Variants in CREB3L3 observed in about 807,000 individuals in gnomAD.
The protein encoded by CREB3L3 is cAMP responsive element binding protein 3 like 3.
Under a neutral mutation model 44.6 loss-of-function variants are expected in CREB3L3, and 40 were observed. The ratio of observed to expected loss-of-function variants is 0.90; its 90% confidence interval spans 0.70 to 1.17. The LOEUF is 1.17. CREB3L3 is among the 50% of genes most tolerant of loss of function. The pLI is 0.00. For missense variants in CREB3L3, 578 were observed against 595.8 expected (o/e 0.97, Z 0.31); for synonymous variants, 273 against 256.3 (o/e 1.06, Z -0.62).
In CREB3L3 at chr19:4,171,626, T is replaced by A; in HGVS notation, c.1073-30T>A. 4 of 1,612,068 alleles carry A rather than the reference T, an allele frequency of 2.5e-6. No individual in the cohort carries two copies. Among genetic ancestry groups the A allele is most frequent in the Non-Finnish European group, 2.5e-6 (3 of 1,178,730 alleles). ...AGCATAGGACCCCACCTCCACCTTGTCCCCTGTGATGCCCCCCTTCCCCAA... is the reference window on the plus strand; with the variant it reads ...AGCATAGGACCCCACCTCCACCTTGACCCCTGTGATGCCCCCCTTCCCCAA... On this transcript the variant is annotated intron_variant, in intron 9 of 9. Transcript: ENST00000078445. The surrounding 1 kb of genome is among the most constrained non-coding windows in gnomAD (Gnocchi z 4.9).
Position 4,171,445 on chromosome 19 carries a change from A to T in CREB3L3, c.1038A>T (p.Lys346Asn), listed in dbSNP as rs1275258868. The change falls in exon 9 of 10, where the codon AAA becomes AAT. Residue 346 changes from lysine (K) to asparagine (N), a missense_variant. Lys to Asn is a moderately conservative substitution (Grantham distance 94). Transcript: ENST00000078445. This position sits in a 1 kb window ranked among gnomAD's most constrained non-coding sequence, Gnocchi z 4.9. ...CCATCAGCCCTTTTGGCCCCAACAA[A>T]ACCGAGAGCCCTGGGGACTTTGCGC... is the stretch of plus-strand genomic sequence containing the variant. ...LPSISPFGPN[K>N]TESPGDFAPV... is the part of the protein sequence containing the mutation. 3 of 1,613,892 alleles carry T rather than the reference A, an allele frequency of 1.9e-6. No homozygotes were observed. The South Asian group carries it at 3.3e-5, about 18-fold the overall frequency.
At chr19:4,169,448 C>T (rs551218736) in intron 6 of CREB3L3, among the ~76,000 whole-genome samples, 2 of 152,082 alleles carry the variant, frequency 1.3e-5, no homozygotes, top group South Asian at 2.1e-4. Context: ...CCACTGCATT[C>T]CAGCCTGGGC....
In CREB3L3 at chr19:4,172,276, C is replaced by T. The variant is rs1967069362; in HGVS notation, c.*307C>T. 3.8e-6 allele frequency: 2 copies of T among 525,070 alleles called. No individual in the cohort carries two copies. The highest frequency in any genetic ancestry group is 6.8e-6 in the Non-Finnish European group (2 of 292,680). 32.5% of individuals were successfully genotyped at this position (525,070 alleles called of 1,614,324 possible). A position where few individuals can be genotyped will look rare whatever the true frequency, so the allele number is the denominator to read the frequency against. On this transcript the variant is annotated 3_prime_UTR_variant, in exon 10 of 10. Coordinates refer to ENST00000078445, the MANE Select transcript of CREB3L3 (RefSeq NM_032607.3). Reference sequence around the variant, plus strand: ...CTGGACAGACAGACACAGCCTGAAACAGACCCGGACAGACAGACACAGCCT... The same window carrying T: ...CTGGACAGACAGACACAGCCTGAAATAGACCCGGACAGACAGACACAGCCT...
Position 4,164,540 on chromosome 19 carries a change from C to G in CREB3L3, c.614C>G (p.Pro205Arg), listed in dbSNP as rs374032388. 1.9e-6 allele frequency: 3 copies of G among 1,614,012 alleles called. No homozygotes were observed. The highest frequency in any genetic ancestry group is 2.5e-6 in the Non-Finnish European group (3 of 1,180,048). Residue 205 changes from proline (P) to arginine (R), a missense_variant, in exon 5 of 10, where the codon CCT becomes CGT. By Grantham distance (103) the Pro-to-Arg change is moderately radical (BLOSUM62 -2). Transcript: ENST00000078445. Reference sequence around the variant, plus strand: ...CTGGGGGCCTCCTACCTCCTGCGACCTGGGGCTGGGCACTGTCAGGAGCTG... The same window carrying G: ...CTGGGGGCCTCCTACCTCCTGCGACGTGGGGCTGGGCACTGTCAGGAGCTG... The part of the protein sequence containing the change: ...HHLGASYLLR[P>R]GAGHCQELVL...
In CREB3L3 at chr19:4,153,683, T is replaced by TG; in HGVS notation, c.-62dup. The TG allele has an allele frequency of 1.9e-6, 3 of 1,599,446 alleles. No individual in the cohort carries two copies. Among genetic ancestry groups the TG allele is most frequent in the East Asian group, 4.5e-5 (2 of 44,698 alleles). On this transcript the variant is annotated 5_prime_UTR_variant, in exon 1 of 10. Transcript: ENST00000078445. The stretch of plus-strand genomic sequence containing the variant: ...GCCCGGCCCCAGGTAACGCTGGCGG[T>TG]GGGTGGGCCTCCAGCTTGGAGCAGA...
At chr19:4,166,290 T>C (rs543493145) in intron 5 of CREB3L3, among the ~76,000 whole-genome samples, 178 of 151,920 alleles carry the variant, frequency 1.2e-3, no homozygotes, top group Non-Finnish European at 2.0e-3. Context: ...GTTTCGCTTT[T>C]GTTGCCCAGG....
chr19:4,157,968 AG>A (rs1157155336), intron 3 of CREB3L3, among the ~76,000 whole-genome samples: 1 of 152,004 alleles, frequency 6.6e-6, no homozygotes. Context: ...TACAGGTGTG[AG>A]CCGCTCCACC....
rs1012741489 is a variant in CREB3L3, at chr19:4,172,428, G to C, written c.*459G>C. 3.2e-6 allele frequency: 1 copy of C among 311,712 alleles called. No homozygotes were observed. 19.3% of individuals were successfully genotyped at this position (311,712 alleles called of 1,614,324 possible). On this transcript the variant is annotated 3_prime_UTR_variant, in exon 10 of 10. Coordinates refer to ENST00000078445, the MANE Select transcript of CREB3L3 (RefSeq NM_032607.3). The stretch of plus-strand genomic sequence containing the variant: ...CCGGACAGACAGACAGAAACAGCCT[G>C]AAACAGACCCAGACAGACAGACAGA...
At chr19:4,156,874 T>G in intron 2 of CREB3L3, 121 bp from the exon 3 acceptor site, 1 of 1,006,554 alleles carries the variant, frequency 9.9e-7, no homozygotes, top group Non-Finnish European at 1.5e-6. Context: ...CAGTAACTCA[T>G]CTTGGAGAAG....
intron 7 of CREB3L3, 99 bp downstream of exon 7, chr19:4,170,307 G>C: frequency 8.1e-7 from 1 of 1,235,334 alleles, no homozygotes; most frequent in Non-Finnish European, 1.2e-6. Context: ...AATGACATAG[G>C]GAATAAGAGT....
At position 4,159,737 on chromosome 19, in the gene CREB3L3, T is replaced by A. The variant is rs1376611343; in HGVS notation, c.531T>A (p.Asn177Lys). The change falls in exon 4 of 10, where the codon AAT becomes AAA. Residue 177 changes from asparagine to lysine, a missense_variant. Transcript: ENST00000078445. ...ADPVDLSPRC[N>K]LTVKDLLLSG... Reference sequence around the variant, plus strand: ...CGGTGGACCTGTCCCCACGATGCAATCTCACCGTGAAAGACCTCCTCCTTT... The same window carrying A: ...CGGTGGACCTGTCCCCACGATGCAAACTCACCGTGAAAGACCTCCTCCTTT... 1 of 1,594,462 alleles carries A rather than the reference T, an allele frequency of 6.3e-7. No homozygotes were observed. The highest frequency in any genetic ancestry group is 1.3e-5 in the African/African-American group (1 of 74,496).
chr19:4,154,890 G>A lies in CREB3L3; in HGVS notation c.28-9G>A, dbSNP rs45618931. The stretch of plus-strand genomic sequence containing the variant: ...TATGTGACCCTCACATCTGTTCCTC[G>A]CGCCCCAGATGGCTTCTGCTGCCTG... On this transcript the variant is annotated splice_polypyrimidine_tract_variant and intron_variant, in intron 1 of 9. Transcript: ENST00000078445. 3,995 of 1,613,794 alleles carry A rather than the reference G, an allele frequency of 2.5e-3. 6 individuals are homozygous for A. Among genetic ancestry groups the A allele is most frequent in the Non-Finnish European group, 3.1e-3 (3,691 of 1,179,988 alleles).
Position 4,171,889 on chromosome 19 carries a change from G to T in CREB3L3, c.1306G>T (p.Ala436Ser). The T allele has an allele frequency of 1.9e-6, 3 of 1,612,832 alleles. No individual in the cohort carries two copies. In the South Asian group the frequency reaches 3.3e-5, roughly 18 times the overall value. The change falls in exon 10 of 10, where the codon GCC (alanine) becomes TCC (serine). Residue 436 changes from alanine (A) to serine (S), a missense_variant. Physicochemically the swap from Ala to Ser is moderately conservative, Grantham distance 99 (BLOSUM62 1). Coordinates refer to ENST00000078445, the MANE Select transcript of CREB3L3 (RefSeq NM_032607.3). The surrounding 1 kb of genome is among the most constrained non-coding windows in gnomAD (Gnocchi z 4.9). Reference sequence around the variant, plus strand: ...TGCAACAGAGGGGCTGGGCCAGGTCGCCCTGCTGGACTGGGTGGCGCCTGG... The same window carrying T: ...TGCAACAGAGGGGCTGGGCCAGGTCTCCCTGCTGGACTGGGTGGCGCCTGG... ...RNATEGLGQV[A>S]LLDWVAPGPS...
chr19:4,162,426 C>T (rs1477968780), intron 4 of CREB3L3, among the ~76,000 whole-genome samples: 1 of 144,738 alleles, frequency 6.9e-6, no homozygotes, highest in East Asian at 2.1e-4. Flanking sequence ...ACATACAGAA[C>T]AACGATACAA....
At chr19:4,160,460 C>T (rs1283435705) in intron 4 of CREB3L3, among the ~76,000 whole-genome samples, 1 of 151,686 alleles carries the variant, frequency 6.6e-6, no homozygotes, top group Non-Finnish European at 1.5e-5. Context: ...CAGCCTCAAA[C>T]TCCTGGCCTC....
chr19:4,170,208 T>A lies in CREB3L3; in HGVS notation c.890T>A (p.Leu297Gln). The stretch of plus-strand genomic sequence containing the variant: ...GTCTTGCATCTCGAGAAGCAAAACC[T>A]GTGAGTCTGGGTCCAGCTGGGGCAG... The part of the protein sequence containing the change: ...RKVLHLEKQN[L>Q]SLLEQLKKLQ... Residue 297 changes from leucine (L) to glutamine (Q), a missense_variant and splice_region_variant, in exon 7 of 10, where the codon CTG becomes CAG. Coordinates refer to ENST00000078445, the MANE Select transcript of CREB3L3 (RefSeq NM_032607.3). The A allele has an allele frequency of 6.2e-7, 1 of 1,614,006 alleles. No homozygotes were observed. The highest frequency in any genetic ancestry group is 8.5e-7 in the Non-Finnish European group (1 of 1,179,930).
At chr19:4,159,824 A>C in intron 4 of CREB3L3, 42 bp downstream of exon 4, 1 of 901,464 alleles carries the variant, frequency 1.1e-6, no homozygotes, top group South Asian at 1.3e-5. Flanking sequence ...TGGAGCTGGG[A>C]GGGCTGCTCG....
At chr19:4,166,479 T>C (rs1225607445) in intron 5 of CREB3L3, among the ~76,000 whole-genome samples, 1 of 145,332 alleles carries the variant, frequency 6.9e-6, no homozygotes, top group African/African-American at 2.6e-5. Context: ...TTGGCCAGGA[T>C]GGTCTCGATC....
rs1313326715 is a variant in CREB3L3 at position 4,165,604 on chromosome 19, G to A, written c.714+964G>A. Among the ~76,000 whole-genome samples, 6 of 152,276 alleles carry A rather than the reference G, an allele frequency of 3.9e-5. No individual in the cohort carries two copies. The South Asian group carries it at 8.3e-4, about 21-fold the overall frequency. ...AGGCTGGGCACGGTGGCTCACACCT[G>A]TAATCCCAGCACTGTGGGAGGCTGA... On this transcript the variant is annotated intron_variant, in intron 5 of 9. Coordinates refer to ENST00000078445, the MANE Select transcript of CREB3L3 (RefSeq NM_032607.3).
Sources: allele counts gnomAD v4.1 joint callset (sites outside exome capture counted in the v4.1 genomes callset), GRCh38; gene constraint gnomAD v4.1.1; non-coding constraint Gnocchi (gnomAD v3.1); transcripts MANE v1.5; gene names NCBI Gene and HGNC (gene_info 2026-07-23, HGNC 2026-07-21).